Variants in COA1 observed in about 807,000 individuals in gnomAD.
The protein encoded by COA1 is cytochrome c oxidase assembly factor 1.
Under a neutral mutation model 16.0 loss-of-function variants are expected in COA1, and 13 were observed. That is an observed-to-expected ratio of 0.81 (90% CI 0.53 to 1.29). The LOEUF is 1.29. Among genes scored for constraint, COA1 ranks in the 50% most tolerant of loss-of-function variants. The pLI is 0.00. For synonymous variants in COA1, 65 were observed against 65.7 expected (o/e 0.99, Z 0.05); for missense variants, 179 against 177.0 (o/e 1.01, Z -0.06).
chr7:43,710,394 A>ATATTTTT (rs1417053077), intron 1 of COA1, among the ~76,000 whole-genome samples: 4 of 135,386 alleles, frequency 3.0e-5, no homozygotes, highest in African/African-American at 1.1e-4. Flanking sequence ...ATATATATAT[A>ATATTTTT]TTTTTAAGAT....
At chr7:43,658,234 A>G (rs1314164575) in intron 1 of COA1, among the ~76,000 whole-genome samples, 1 of 151,944 alleles carries the variant, frequency 6.6e-6, no homozygotes, top group East Asian at 1.9e-4. Context: ...AAATTAGCCC[A>G]GCATGGTGGC....
At chr7:43,721,206 T>C (rs761925108) in intron 1 of COA1, among the ~76,000 whole-genome samples, 31 of 152,244 alleles carry the variant, frequency 2.0e-4, no homozygotes, top group African/African-American at 4.6e-4. Flanking sequence ...CTTTTATCCA[T>C]AGACTGCTTT....
chr7:43,651,439 A>G (rs1478570414), intron 1 of COA1, among the ~76,000 whole-genome samples: 5 of 152,194 alleles, frequency 3.3e-5, no homozygotes, highest in Non-Finnish European at 7.3e-5. Flanking sequence ...AACCTTTTCC[A>G]AAGTACTAAA....
intron 1 of COA1, chr7:43,659,116 G>A (rs1002403312): frequency 6.6e-6 from 1 of 152,244 alleles, no homozygotes; most frequent in African/African-American, 2.4e-5. Flanking sequence ...AGAGCTGGTG[G>A]TGGCTTGGAC....
At chr7:43,682,270 T>A (rs980103299) in intron 1 of COA1, among the ~76,000 whole-genome samples, 1 of 152,226 alleles carries the variant, frequency 6.6e-6, no homozygotes, top group East Asian at 1.9e-4. Context: ...TAGTAAGTAG[T>A]TAGTAGAAAC....
At chr7:43,727,147 A>G (rs549242297) in intron 1 of COA1, among the ~76,000 whole-genome samples, 48 of 152,368 alleles carry the variant, frequency 3.2e-4, no homozygotes, top group African/African-American at 9.9e-4. Flanking sequence ...GTCAACGAAA[A>G]AGAATGAAAA....
chr7:43,636,301 G>A (rs570894045), downstream of COA1, among the ~76,000 whole-genome samples: 1 of 152,276 alleles, frequency 6.6e-6, no homozygotes, highest in African/African-American at 2.4e-5. Flanking sequence ...GTGGAGACTG[G>A]AGGTTTTCCT....
chr7:43,685,485 G>C (rs1416844949), intron 1 of COA1, among the ~76,000 whole-genome samples: 1 of 152,186 alleles, frequency 6.6e-6, no homozygotes, highest in East Asian at 1.9e-4. Context: ...CAAGTTTCCA[G>C]AATCTTTTGG....
chr7:43,693,038 A>G (rs1046484901), intron 1 of COA1, among the ~76,000 whole-genome samples: 5 of 152,192 alleles, frequency 3.3e-5, no homozygotes, highest in Non-Finnish European at 7.3e-5. Flanking sequence ...GTACGTTTAC[A>G]AGCCCTCCCC....
At chr7:43,689,566 A>C (rs2094184038) in intron 1 of COA1, among the ~76,000 whole-genome samples, 1 of 152,234 alleles carries the variant, frequency 6.6e-6, no homozygotes, top group African/African-American at 2.4e-5. Context: ...CTTTCCAGAC[A>C]AACAAAAGCT....
At chr7:43,627,973 T>C (rs1044836351) in intron 6 of COA1, among the ~76,000 whole-genome samples, 8 of 152,082 alleles carry the variant, frequency 5.3e-5, no homozygotes, top group African/African-American at 1.9e-4. Flanking sequence ...GTTTGTTGCT[T>C]TTTCTTGTTT....
chr7:43,697,691 G>A (rs1014609688), intron 1 of COA1, among the ~76,000 whole-genome samples: 1 of 152,130 alleles, frequency 6.6e-6, no homozygotes, highest in Non-Finnish European at 1.5e-5. Flanking sequence ...TGAAAATTCT[G>A]GAATTCCACA....
chr7:43,657,768 G>T (rs1198698536), intron 1 of COA1, among the ~76,000 whole-genome samples: 1 of 151,952 alleles, frequency 6.6e-6, no homozygotes, highest in East Asian at 1.9e-4. Context: ...TCTGATAAAA[G>T]AATTGTTACC....
intron 6 of COA1, among the ~76,000 whole-genome samples, chr7:43,617,809 C>A (rs2153000010): frequency 6.6e-6 from 1 of 152,234 alleles, no homozygotes; most frequent in South Asian, 2.1e-4. Context: ...AAGATCAAGC[C>A]TTGAGAAACC....
rs533880758 is a variant in COA1, at chr7:43,719,738, T to C, written c.-39+9691A>G. 1.1e-4 allele frequency among the ~76,000 whole-genome samples: 16 copies of C among 152,318 alleles called. No individual in the cohort carries two copies. In the South Asian group the frequency reaches 2.9e-3, roughly 28 times the overall value. Reference sequence around the variant, plus strand: ...CCCTGACCCACATATTTCAATATAGTATTAAGCCTTGTTTTCATTACCTGA... The same window carrying C: ...CCCTGACCCACATATTTCAATATAGCATTAAGCCTTGTTTTCATTACCTGA... On this transcript the variant is annotated intron_variant, in intron 1 of 5. Coordinates refer to ENST00000223336, the MANE Select transcript of COA1 (RefSeq NM_018224.4).
At chr7:43,645,140 T>G (rs2088873825) in intron 4 of COA1, 111 bp downstream of exon 4, 1 of 922,630 alleles carries the variant, frequency 1.1e-6, no homozygotes, top group African/African-American at 1.7e-5. Flanking sequence ...CTAGCTTTAC[T>G]TAGTGGATTT....
exon 7 of COA1, chr7:43,609,193 T>C (rs2082664741): frequency 6.6e-6 from 1 of 152,264 alleles, no homozygotes; most frequent in South Asian, 2.1e-4. Context: ...CTTCTTTGAA[T>C]GACAGTAAGA....
intron 6 of COA1, among the ~76,000 whole-genome samples, chr7:43,621,690 ATTTG>A (rs1197362051): frequency 6.6e-6 from 1 of 152,018 alleles, no homozygotes; most frequent in Non-Finnish European, 1.5e-5. Flanking sequence ...CAGGCTAGTG[ATTTG>A]TTTTAGAGCT....
At chr7:43,660,597 C>G (rs971278180) in intron 1 of COA1, among the ~76,000 whole-genome samples, 3 of 152,144 alleles carry the variant, frequency 2.0e-5, no homozygotes, top group African/African-American at 4.8e-5. Flanking sequence ...TAAGAAGTGA[C>G]AGAGTCAGGA....
Sources: gnomAD v4.1 joint callset for allele counts (sites outside exome capture counted in the v4.1 genomes callset) on GRCh38, gnomAD v4.1.1 for gene constraint, MANE v1.5 for transcripts, NCBI Gene and HGNC (gene_info 2026-07-23, HGNC 2026-07-21) for gene names.